The following AHCYL2 variants were observed in gnomAD, a reference collection of about 807,000 sequenced individuals.
AHCYL2 encodes adenosylhomocysteinase like 2.
A neutral mutation model predicts 81.4 loss-of-function variants in AHCYL2; 28 were observed. The observed-to-expected ratio is 0.34, with a 90% CI of 0.25 to 0.47. The LOEUF is 0.47. AHCYL2 is among the 20% of genes least tolerant of loss of function. The probability of loss-of-function intolerance (pLI) is 1.00; values close to 1 mark genes in which losing one functional copy is unlikely to be tolerated. For synonymous variants in AHCYL2, 272 were observed against 290.2 expected, an observed-to-expected ratio of 0.94 and a Z score of 0.64; for missense variants, 551 against 785.1, an observed-to-expected ratio of 0.70 and a Z score of 3.56.
chr7:129,377,609 T>C (rs973584968), intron 1 of AHCYL2: 1 of 456,606 alleles, frequency 2.2e-6, no homozygotes, highest in Non-Finnish European at 4.4e-6. Flanking sequence ...AGGAACCATC[T>C]TTTTATCATT....
At chr7:129,418,640 G>A (rs1796972029) in intron 12 of AHCYL2, among the ~76,000 whole-genome samples, 1 of 152,128 alleles carries the variant, frequency 6.6e-6, no homozygotes, top group Non-Finnish European at 1.5e-5. Context: ...CAGGTGTGGT[G>A]GCTCATGCCT....
intron 2 of AHCYL2, among the ~76,000 whole-genome samples, chr7:129,385,658 G>T (rs770807247): frequency 4.6e-5 from 7 of 152,158 alleles, no homozygotes; most frequent in African/African-American, 1.2e-4. Context: ...GAAAGAGAGA[G>T]CATGAGGAAA....
At position 129,419,169 on chromosome 7, in the gene AHCYL2, G is replaced by C. The variant is rs1438652074; in HGVS notation, c.1462-3671G>C. Among the ~76,000 whole-genome samples, 1 of 152,146 alleles carries C rather than the reference G, an allele frequency of 6.6e-6. No homozygotes were observed. Among genetic ancestry groups the C allele is most frequent in the Non-Finnish European group, 1.5e-5 (1 of 68,034 alleles). On this transcript the variant is annotated intron_variant, in intron 12 of 16. Transcript: ENST00000325006. The surrounding 1 kb of genome is among the most constrained non-coding windows in gnomAD (Gnocchi z 4.7). ...GCTGCATTTTTTTTCTGAGAAATATGAATGCTGTGAATACTGAAGGATCTG... is the reference window on the plus strand; with the variant it reads ...GCTGCATTTTTTTTCTGAGAAATATCAATGCTGTGAATACTGAAGGATCTG...
intron 1 of AHCYL2, among the ~76,000 whole-genome samples, chr7:129,314,065 G>A (rs1365253727): frequency 6.6e-6 from 1 of 152,204 alleles, no homozygotes; most frequent in African/African-American, 2.4e-5. Flanking sequence ...AAGACCCAGA[G>A]TCATGAGCTA....
At position 129,412,672 on chromosome 7, in the gene AHCYL2, C is replaced by G. The variant is rs373230806; in HGVS notation, c.1367-922C>G. Among the ~76,000 whole-genome samples the G allele has an allele frequency of 2.6e-5, 4 of 152,172 alleles. No homozygotes were observed. In the East Asian group the frequency reaches 5.8e-4, roughly 22 times the overall value. ...TAATTTCTCCATATCTTCACCAACA[C>G]TTGTTATTGTCAGTCTTTTTGATAT... On this transcript the variant is annotated intron_variant, in intron 11 of 16. Transcript: ENST00000325006.
chr7:129,403,907 A>G lies in AHCYL2; in HGVS notation c.1025+422A>G, dbSNP rs574096215. The stretch of plus-strand genomic sequence containing the variant: ...AAAAAAAAAATTGGAGCCTGCTATG[A>G]GGTAACCACATCTCAGCTTGCTATG... On this transcript the variant is annotated intron_variant, in intron 7 of 16. Transcript: ENST00000325006. Among the ~76,000 whole-genome samples, 95 of 145,434 alleles carry G rather than the reference A, an allele frequency of 6.5e-4. 3 individuals carry two copies. Among genetic ancestry groups the G allele is most frequent in the Middle Eastern group, 3.6e-3 (1 of 274 alleles).
intron 1 of AHCYL2, among the ~76,000 whole-genome samples, chr7:129,229,123 A>C (rs530524567): frequency 4.5e-4 from 67 of 149,584 alleles, no homozygotes; most frequent in African/African-American, 1.6e-3. Flanking sequence ...GCTGGAGTGC[A>C]ATGGTGCAAT....
In AHCYL2 at chr7:129,287,755, A is replaced by C. The variant is rs368604224; in HGVS notation, c.363+62316A>C. On this transcript the variant is annotated intron_variant, in intron 1 of 16. Transcript: ENST00000325006. ...AATTAGTACTTGTGATACACAGGCT[A>C]AGTTCTTTATGTAGAGCTCCTTCTC... Among the ~76,000 whole-genome samples the C allele has an allele frequency of 7.2e-5, 11 of 152,342 alleles. 1 individual carries two copies. The East Asian group carries it at 1.3e-3, about 19-fold the overall frequency.
chr7:129,292,780 AAG>A (rs1796913850), intron 1 of AHCYL2, among the ~76,000 whole-genome samples: 1 of 152,006 alleles, frequency 6.6e-6, no homozygotes, highest in Admixed American at 6.6e-5. Context: ...AAAAAAAACA[AAG>A]AAAGTAAGTT....
chr7:129,330,470 ATTTTTTTT>A (rs34481793), intron 1 of AHCYL2, among the ~76,000 whole-genome samples: 2 of 139,160 alleles, frequency 1.4e-5, no homozygotes, highest in African/African-American at 2.7e-5. Context: ...ACTCTGGTAC[ATTTTTTTT>A]TTTTTTTTTT....
chr7:129,300,743 G>A (rs946098876), intron 1 of AHCYL2, among the ~76,000 whole-genome samples: 59 of 152,112 alleles, frequency 3.9e-4, no homozygotes, highest in African/African-American at 1.4e-3. Flanking sequence ...TAGTGTATGA[G>A]GGTTTCCTTT....
At chr7:129,391,709 T>C (rs1795479043) in intron 4 of AHCYL2, among the ~76,000 whole-genome samples, 1 of 152,198 alleles carries the variant, frequency 6.6e-6, no homozygotes, top group South Asian at 2.1e-4. Flanking sequence ...TAGATCAGCT[T>C]TCCAAAGATT....
chr7:129,387,252 A>G (rs1795244684), intron 2 of AHCYL2, among the ~76,000 whole-genome samples: 6 of 152,264 alleles, frequency 3.9e-5, no homozygotes, highest in Non-Finnish European at 1.5e-5. Context: ...AGGACCATCT[A>G]TATCTGTCCT....
intron 1 of AHCYL2, among the ~76,000 whole-genome samples, chr7:129,300,928 G>C (rs1024458568): frequency 3.3e-5 from 5 of 152,178 alleles, no homozygotes; most frequent in Non-Finnish European, 7.4e-5. Flanking sequence ...TCCACCTCCT[G>C]GGTAAGGGAT....
chr7:129,407,608 T>A (rs1796365938), intron 10 of AHCYL2, among the ~76,000 whole-genome samples: 1 of 152,208 alleles, frequency 6.6e-6, no homozygotes, highest in Non-Finnish European at 1.5e-5. Flanking sequence ...TACAAATTGA[T>A]ACTGTTCAGA....
Position 129,424,869 on chromosome 7 carries a change from A to C in AHCYL2, c.1561-5A>C. On this transcript the variant is annotated splice_polypyrimidine_tract_variant and splice_region_variant and intron_variant, in intron 13 of 16. Transcript: ENST00000325006. ...TCCATTTGTGTCTTCACCTTTGATC[A>C]CTAGGGCCGCCTGCTGAACCTTAGC... 1 of 1,612,604 alleles carries C rather than the reference A, an allele frequency of 6.2e-7. No homozygotes were observed. Among genetic ancestry groups the C allele is most frequent in the Non-Finnish European group, 8.5e-7 (1 of 1,179,972 alleles).
rs377750922 is a variant in AHCYL2 at position 129,243,953 on chromosome 7, CTTATTTTATT to C, written c.363+18531_363+18540del. Among the ~76,000 whole-genome samples the C allele has an allele frequency of 7.5e-3, 1,138 of 151,510 alleles. 15 individuals carry two copies. The highest frequency in any genetic ancestry group is 0.039 in the South Asian group (186 of 4,792). ...ATTTTATATGGTATGAGATAGTGATCTTATTTTATTTTATTTTATTTTATTTATTATTTTT... is the reference window on the plus strand; with the variant it reads ...ATTTTATATGGTATGAGATAGTGATCTTATTTTATTTTATTTATTATTTTT... On this transcript the variant is annotated intron_variant, in intron 1 of 16. Coordinates refer to ENST00000325006, the MANE Select transcript of AHCYL2 (RefSeq NM_015328.4).
At chr7:129,239,869 A>G (rs13235668) in intron 1 of AHCYL2, among the ~76,000 whole-genome samples, 38,464 of 151,188 alleles carry the variant, frequency 0.25, 4,968 homozygotes, top group East Asian at 0.42. Context: ...CCCCTGCCCC[A>G]CCATGCCCAA....
chr7:129,406,370 C>T lies in AHCYL2; in HGVS notation c.1207-8C>T, dbSNP rs757681305. 1.9e-6 allele frequency: 3 copies of T among 1,613,594 alleles called. No individual in the cohort carries two copies. Among genetic ancestry groups the T allele is most frequent in the Non-Finnish European group, 2.5e-6 (3 of 1,179,654 alleles). On this transcript the variant is annotated splice_region_variant and splice_polypyrimidine_tract_variant and intron_variant, in intron 9 of 16. Coordinates refer to ENST00000325006, the MANE Select transcript of AHCYL2 (RefSeq NM_015328.4). The surrounding 1 kb of genome is among the most constrained non-coding windows in gnomAD (Gnocchi z 4.3). Reference sequence around the variant, plus strand: ...TTCCTTAATATGTGTGCTCTCTCCCCTCTTCAGGTGGGGAAAGGGTGCTGT... The same window carrying T: ...TTCCTTAATATGTGTGCTCTCTCCCTTCTTCAGGTGGGGAAAGGGTGCTGT...
Sources: allele counts gnomAD v4.1 joint callset (sites outside exome capture counted in the v4.1 genomes callset), GRCh38; gene constraint gnomAD v4.1.1; non-coding constraint Gnocchi (gnomAD v3.1); transcripts MANE v1.5; gene names NCBI Gene and HGNC (gene_info 2026-07-23, HGNC 2026-07-21).